Variants in GPR158 observed in about 807,000 individuals in gnomAD.
The protein encoded by GPR158 is metabotropic glycine receptor.
GPR158 carries 30 observed loss-of-function variants against 78.2 expected under a neutral mutation model. That is an observed-to-expected ratio of 0.38 (90% confidence interval 0.29 to 0.52). The LOEUF (loss-of-function observed/expected upper bound fraction) is 0.52, where lower values mean the gene tolerates loss of function less well. Among genes scored for constraint, GPR158 ranks in the 20% least tolerant of loss-of-function variants. The pLI, the probability that GPR158 is intolerant of heterozygous loss-of-function variation, is 0.83. For missense variants in GPR158, 1,463 were observed against 1,523.5 expected (o/e 0.96, Z 0.66); for synonymous variants, 581 against 591.1 (o/e 0.98, Z 0.25).
chr10:25,591,157 T>C (rs1837335093), intron 8 of GPR158, among the ~76,000 whole-genome samples: 1 of 152,144 alleles, frequency 6.6e-6, no homozygotes, highest in Non-Finnish European at 1.5e-5. Context: ...GTTTGTATAT[T>C]TATGATACAT....
chr10:25,440,899 T>C (rs1233247528), intron 4 of GPR158, among the ~76,000 whole-genome samples: 1 of 152,190 alleles, frequency 6.6e-6, no homozygotes, highest in Non-Finnish European at 1.5e-5. Context: ...AGTAATACAG[T>C]CAATTTTTAG....
intron 4 of GPR158, among the ~76,000 whole-genome samples, chr10:25,421,807 G>C (rs1834755428): frequency 6.6e-6 from 1 of 151,890 alleles, no homozygotes; most frequent in Non-Finnish European, 1.5e-5. Flanking sequence ...CCCCTTCCCA[G>C]TTTATTAAAA....
chr10:25,530,903 G>C (rs1181561221), intron 5 of GPR158, among the ~76,000 whole-genome samples: 1 of 152,144 alleles, frequency 6.6e-6, no homozygotes, highest in Admixed American at 6.5e-5. Context: ...CCGAGCAGTA[G>C]ACCATGTCCT....
Position 25,598,004 on chromosome 10 carries a change from C to A in GPR158, c.2378C>A (p.Pro793Gln). ...KGTALIRKNP[P>Q]ESSGNTGKSK... ...ACTGCCCTCATCAGGAAGAACCCCC[C>A]AGAGTCTTCAGGGAACACAGGGAAA... The change falls in exon 11 of 11, where the codon CCA becomes CAA. Residue 793 changes from proline (P) to glutamine (Q), a missense_variant. Pro to Gln is a moderately conservative substitution (Grantham distance 76). Transcript: ENST00000376351. 6.2e-7 allele frequency: 1 copy of A among 1,614,116 alleles called. No individual in the cohort carries two copies. The highest frequency in any genetic ancestry group is 8.5e-7 in the Non-Finnish European group (1 of 1,180,010).
chr10:25,286,605 T>C (rs1025013348), intron 2 of GPR158, among the ~76,000 whole-genome samples: 1 of 132,430 alleles, frequency 7.6e-6, no homozygotes. Flanking sequence ...AGTGTTGTTG[T>C]TTTTTTTTAT....
chr10:25,214,398 A>G (rs921896557), intron 1 of GPR158, among the ~76,000 whole-genome samples: 1 of 152,222 alleles, frequency 6.6e-6, no homozygotes, highest in African/African-American at 2.4e-5. Flanking sequence ...GAAGATTAGT[A>G]AAGCTAGAAA....
In GPR158 at chr10:25,203,974, C is replaced by T. The variant is rs1436539614; in HGVS notation, c.903-17078C>T. ...TACTTCTCCTTGAAGAGGGCCTTCA[C>T]GTCCCTTGTAAGTGGGATTCCTAGG... On this transcript the variant is annotated intron_variant, in intron 1 of 10. Transcript: ENST00000376351. Among the ~76,000 whole-genome samples, 4 of 122,182 alleles carry T rather than the reference C, an allele frequency of 3.3e-5. 1 individual carries two copies. Among genetic ancestry groups the T allele is most frequent in the African/African-American group, 1.3e-4 (4 of 29,772 alleles). The allele number at this position is 122,182 out of a possible 152,430, so 80.2% of individuals were successfully genotyped here.
At chr10:25,484,092 T>A (rs1216749046) in intron 5 of GPR158, among the ~76,000 whole-genome samples, 1 of 152,190 alleles carries the variant, frequency 6.6e-6, no homozygotes, top group Non-Finnish European at 1.5e-5. Flanking sequence ...TAACATTCTA[T>A]GTAATCTGGC....
chr10:25,573,161 T>TAAAG (rs1357839773), intron 7 of GPR158, among the ~76,000 whole-genome samples: 1 of 152,224 alleles, frequency 6.6e-6, no homozygotes, highest in East Asian at 1.9e-4. Flanking sequence ...CTTCTGTGTA[T>TAAAG]AAAGAGCTTA....
chr10:25,449,755 T>C (rs1835188830), intron 4 of GPR158, among the ~76,000 whole-genome samples: 1 of 152,190 alleles, frequency 6.6e-6, no homozygotes, highest in African/African-American at 2.4e-5. Flanking sequence ...AAAAAATGTA[T>C]GTGAGGTAAT....
intron 5 of GPR158, among the ~76,000 whole-genome samples, chr10:25,521,367 A>G (rs1256894721): frequency 6.6e-6 from 1 of 152,112 alleles, no homozygotes; most frequent in Non-Finnish European, 1.5e-5. Context: ...AGCTGTTCCT[A>G]TTCGGCCATC....
At chr10:25,207,061 T>G (rs923008015) in intron 1 of GPR158, among the ~76,000 whole-genome samples, 3 of 151,968 alleles carry the variant, frequency 2.0e-5, no homozygotes, top group Admixed American at 6.6e-5. Context: ...AGGAGGAGAA[T>G]TATGAACTCA....
intron 2 of GPR158, among the ~76,000 whole-genome samples, chr10:25,310,164 C>G (rs1051365339): frequency 1.3e-5 from 2 of 152,158 alleles, no homozygotes; most frequent in Non-Finnish European, 2.9e-5. Context: ...ACTGTCCTTT[C>G]CCTGTTGAGT....
chr10:25,467,919 G>A (rs79314869), intron 5 of GPR158, among the ~76,000 whole-genome samples: 2,940 of 150,332 alleles, frequency 0.02, 49 homozygotes, highest in Non-Finnish European at 0.032. Context: ...CCCAGTTCCC[G>A]CCCCAGGTTT....
At chr10:25,558,838 A>G (rs185100226) in intron 6 of GPR158, among the ~76,000 whole-genome samples, 1 of 152,272 alleles carries the variant, frequency 6.6e-6, no homozygotes, top group East Asian at 1.9e-4. Context: ...ATTTCATTCC[A>G]TTGTCGTGAG....
chr10:25,376,818 T>C (rs1300001950), intron 2 of GPR158, among the ~76,000 whole-genome samples: 3 of 151,728 alleles, frequency 2.0e-5, no homozygotes, highest in East Asian at 3.9e-4. Flanking sequence ...CCTAATTTAT[T>C]GTCACCTTAT....
At chr10:25,217,182 T>C (rs1853227990) in intron 1 of GPR158, among the ~76,000 whole-genome samples, 2 of 152,210 alleles carry the variant, frequency 1.3e-5, no homozygotes, top group African/African-American at 4.8e-5. Flanking sequence ...TTGAATGCAA[T>C]GGTCTCTTTC....
At chr10:25,199,755 T>G (rs1033478000) in intron 1 of GPR158, among the ~76,000 whole-genome samples, 1 of 152,168 alleles carries the variant, frequency 6.6e-6, no homozygotes, top group Non-Finnish European at 1.5e-5. Context: ...GATTGTAAGT[T>G]TCCTGAGGCC....
At chr10:25,350,325 G>T (rs1032064084) in intron 2 of GPR158, among the ~76,000 whole-genome samples, 4 of 152,048 alleles carry the variant, frequency 2.6e-5, no homozygotes, top group Non-Finnish European at 4.4e-5. Context: ...TGTTGGCAGG[G>T]TTATGCTCAG....
Sources: allele counts gnomAD v4.1 joint callset (sites outside exome capture counted in the v4.1 genomes callset), GRCh38; gene constraint gnomAD v4.1.1; transcripts MANE v1.5; gene names NCBI Gene and HGNC (gene_info 2026-07-23, HGNC 2026-07-21).